Variants in GNE observed in about 807,000 individuals in gnomAD.
The protein encoded by GNE is bifunctional UDP-N-acetylglucosamine 2-epimerase/N-acetylmannosamine kinase.
A neutral mutation model predicts 61.8 loss-of-function variants in GNE; 41 were observed. That is an observed-to-expected ratio of 0.66 (90% CI 0.52 to 0.86). The LOEUF is 0.86. Among genes scored for constraint, GNE ranks in the 40% least tolerant of loss-of-function variants. GNE has a pLI of 0.00. For synonymous variants in GNE, 264 were observed against 326.4 expected (o/e 0.81, Z 2.06); for missense variants, 608 against 909.1 (o/e 0.67, Z 4.26).
intron 3 of GNE, among the ~76,000 whole-genome samples, chr9:36,243,402 TAG>T (rs1829732194): frequency 1.3e-5 from 2 of 152,170 alleles, no homozygotes; most frequent in African/African-American, 4.8e-5. Flanking sequence ...CCAGAATACC[TAG>T]AGAGCTAATG....
chr9:36,250,862 G>A (rs572130254), intron 1 of GNE, among the ~76,000 whole-genome samples: 1 of 152,192 alleles, frequency 6.6e-6, no homozygotes, highest in Non-Finnish European at 1.5e-5. Context: ...TGTATTTTTA[G>A]TAGAGATGGG....
chr9:36,253,527 C>T (rs1830201256), intron 1 of GNE, among the ~76,000 whole-genome samples: 1 of 151,658 alleles, frequency 6.6e-6, no homozygotes. Context: ...ATCCACCCAC[C>T]TCGGCCTCCC....
At chr9:36,230,463 A>G (rs1049751039) in intron 5 of GNE, among the ~76,000 whole-genome samples, 1 of 150,116 alleles carries the variant, frequency 6.7e-6, no homozygotes, top group Non-Finnish European at 1.5e-5. Context: ...CCTATTTACA[A>G]GTCTTTTTTT....
rs375794259 is a variant in GNE at position 36,242,732 on chromosome 9, G to GCTTTTTT, written c.616+3298_616+3299insAAAAAAG. Among the ~76,000 whole-genome samples, 5 of 95,992 alleles carry GCTTTTTT rather than the reference G, an allele frequency of 5.2e-5. 1 individual carries two copies. The highest frequency in any genetic ancestry group is 5.9e-5 in the Non-Finnish European group (3 of 50,778). The allele number at this position is 95,992 out of a possible 152,430, so 63.0% of individuals were successfully genotyped here. On this transcript the variant is annotated intron_variant, in intron 3 of 11. Transcript: ENST00000642385. ...CGCATCTGGCCTGGGTTTTATGCTT[G>GCTTTTTT]TTTTTTTTTTTTTTTTTTTTTTTGA...
At chr9:36,265,210 C>T (rs1362395112) in intron 1 of GNE, 34 of 352,914 alleles carry the variant, frequency 9.6e-5, no homozygotes, top group South Asian at 6.2e-4. Flanking sequence ...CTGGGTTCTA[C>T]GGTTCTCTTC....
upstream of GNE, chr9:36,258,582 C>A: frequency 1.1e-6 from 1 of 912,596 alleles, no homozygotes; most frequent in Non-Finnish European, 1.3e-6. Context: ...CGTCCCCCAC[C>A]TTCCCGGCGG....
chr9:36,232,444 A>G (rs930377529), intron 5 of GNE, among the ~76,000 whole-genome samples: 12 of 151,828 alleles, frequency 7.9e-5, no homozygotes, highest in African/African-American at 2.4e-5. Context: ...AAAATTCCAA[A>G]TGACTTACCC....
rs1393073301 is a variant in GNE at position 36,218,146 on chromosome 9, C to A, written c.1933+37G>T. Reference sequence around the variant, plus strand: ...CTGGGCCATATGATATCTGAGGCCACCCCCTGCAGCACAGCCACCTGCAGC... The same window carrying A: ...CTGGGCCATATGATATCTGAGGCCAACCCCTGCAGCACAGCCACCTGCAGC... On this transcript the variant is annotated intron_variant, in intron 11 of 11. Coordinates refer to ENST00000642385, the MANE Select transcript of GNE (RefSeq NM_005476.7). This position sits in a 1 kb window ranked among gnomAD's most constrained non-coding sequence, Gnocchi z 4.1. 1 of 1,398,170 alleles carries A rather than the reference C, an allele frequency of 7.2e-7. No individual in the cohort carries two copies. Among genetic ancestry groups the A allele is most frequent in the South Asian group, 1.2e-5 (1 of 86,824 alleles). The allele number at this position is 1,398,170 out of a possible 1,614,324, so 86.6% of individuals were successfully genotyped here. A position where few individuals can be genotyped will look rare whatever the true frequency, so the allele number is the denominator to read the frequency against.
intron 1 of GNE, among the ~76,000 whole-genome samples, chr9:36,253,912 C>T (rs979873924): frequency 2.0e-5 from 3 of 151,954 alleles, no homozygotes; most frequent in Non-Finnish European, 4.4e-5. Flanking sequence ...GTGGCGTGCA[C>T]CTGCAATCCC....
chr9:36,258,105 C>T (rs985717892), intron 1 of GNE, among the ~76,000 whole-genome samples: 2 of 152,158 alleles, frequency 1.3e-5, no homozygotes, highest in African/African-American at 4.8e-5. Flanking sequence ...GGGCCCACCC[C>T]GAGCCACACG....
At chr9:36,236,517 C>T (rs1829400006) in intron 4 of GNE, among the ~76,000 whole-genome samples, 1 of 152,176 alleles carries the variant, frequency 6.6e-6, no homozygotes, top group South Asian at 2.1e-4. Flanking sequence ...ACTTCAACTT[C>T]TAAGATTTAT....
chr9:36,273,221 A>ATTT (rs34635171), intron 1 of GNE, among the ~76,000 whole-genome samples: 46,209 of 146,220 alleles, frequency 0.32, 8,204 homozygotes, highest in Non-Finnish European at 0.4. Context: ...CACTCCATAA[A>ATTT]TTTTTTTTTT....
Position 36,266,287 on chromosome 9 carries a change from G to A in GNE, c.51+10607C>T, listed in dbSNP as rs113816646. Reference sequence around the variant, plus strand: ...GGCCAGTACCAGTCCATGGCCCAGGGGTTGGGGACCCCCTACTCTAGAGTA... The same window carrying A: ...GGCCAGTACCAGTCCATGGCCCAGGAGTTGGGGACCCCCTACTCTAGAGTA... On this transcript the variant is annotated intron_variant, in intron 1 of 11. Coordinates refer to the GNE transcript ENST00000396594. Among the ~76,000 whole-genome samples, 1,058 of 152,318 alleles carry A rather than the reference G, an allele frequency of 6.9e-3. 10 individuals are homozygous for A. Among genetic ancestry groups the A allele is most frequent in the Non-Finnish European group, 0.011 (756 of 68,036 alleles).
intron 1 of GNE, among the ~76,000 whole-genome samples, chr9:36,275,529 T>C (rs981070987): frequency 6.6e-6 from 1 of 152,150 alleles, no homozygotes; most frequent in Non-Finnish European, 1.5e-5. Flanking sequence ...TGTGTGGCCA[T>C]AGAAACCACC....
chr9:36,273,831 G>C (rs7863247), intron 1 of GNE, among the ~76,000 whole-genome samples: 1 of 151,476 alleles, frequency 6.6e-6, no homozygotes, highest in Non-Finnish European at 1.5e-5. Context: ...TAGAGACAGC[G>C]TCTCACCATC....
rs969744759 is a variant in GNE, at chr9:36,218,687, G to A, written c.1817-388C>T. On this transcript the variant is annotated intron_variant, in intron 10 of 11. Coordinates refer to ENST00000642385, the MANE Select transcript of GNE (RefSeq NM_005476.7). The surrounding 1 kb of genome is among the most constrained non-coding windows in gnomAD (Gnocchi z 4.1). ...ATGCTGTGCCATCTGCCAGCGCCAC[G>A]CGTTCTATGGCAGCGAGGCACAGTG... is the stretch of plus-strand genomic sequence containing the variant. Among the ~76,000 whole-genome samples, 3 of 152,176 alleles carry A rather than the reference G, an allele frequency of 2.0e-5. No homozygotes were observed. Among genetic ancestry groups the A allele is most frequent in the Admixed American group, 6.5e-5 (1 of 15,282 alleles).
At chr9:36,230,202 C>T (rs1587303124) in intron 5 of GNE, among the ~76,000 whole-genome samples, 1 of 152,300 alleles carries the variant, frequency 6.6e-6, no homozygotes, top group East Asian at 1.9e-4. Context: ...CTTGGCCTCC[C>T]AAAGTGCTAG....
chr9:36,222,226 G>A (rs903505396), intron 9 of GNE, among the ~76,000 whole-genome samples: 13 of 151,824 alleles, frequency 8.6e-5, no homozygotes, highest in Non-Finnish European at 1.5e-4. Flanking sequence ...AGACCATCCC[G>A]GCTAAAACGG....
intron 1 of GNE, among the ~76,000 whole-genome samples, chr9:36,251,980 T>G (rs1029284335): frequency 7.6e-6 from 1 of 132,394 alleles, no homozygotes; most frequent in Non-Finnish European, 1.6e-5. Context: ...CCAAGCACTA[T>G]CTGATCTTTT....
Sources: allele counts gnomAD v4.1 joint callset (sites outside exome capture counted in the v4.1 genomes callset), GRCh38; gene constraint gnomAD v4.1.1; non-coding constraint Gnocchi (gnomAD v3.1); transcripts MANE v1.5; gene names NCBI Gene and HGNC (gene_info 2026-07-23, HGNC 2026-07-21).